The following USP34 variants were observed in gnomAD, a reference collection of about 807,000 sequenced individuals.
The protein encoded by USP34 is ubiquitin carboxyl-terminal hydrolase 34.
A neutral mutation model predicts 460.3 loss-of-function variants in USP34; 70 were observed. That is an observed-to-expected ratio of 0.15 (90% CI 0.13 to 0.19). The LOEUF is 0.19. Ranked by LOEUF, USP34 falls within the 10% of genes least tolerant of loss-of-function variation. The pLI is 1.00. For missense variants in USP34, 3,985 were observed against 4,236.2 expected (o/e 0.94, Z 1.65); for synonymous variants, 1,647 against 1,405.3 (o/e 1.17, Z -3.85).
In USP34 at chr2:61,281,104, G is replaced by C. The variant is rs775148053; in HGVS notation, c.5137C>G (p.Leu1713Val). 1.2e-6 allele frequency: 2 copies of C among 1,613,568 alleles called. No individual in the cohort carries two copies. The highest frequency in any genetic ancestry group is 3.3e-5 in the Admixed American group (2 of 59,964). Residue 1713 changes from leucine to valine, a missense_variant, in exon 38 of 80, where the codon CTC becomes GTC. Physicochemically the swap from Leu to Val is conservative, Grantham distance 32. Coordinates refer to ENST00000398571, the MANE Select transcript of USP34 (RefSeq NM_014709.4). Reference sequence around the variant, plus strand: ...TAAAATCTTACCCTAATAGGTTTGAGTGCTTGAGCATCAGGAAGAAATTTC... The same window carrying C: ...TAAAATCTTACCCTAATAGGTTTGACTGCTTGAGCATCAGGAAGAAATTTC... Reference protein sequence around the residue: ...LLKFLPDAQALKPIRIDDYEE... With the variant: ...LLKFLPDAQAVKPIRIDDYEE...
In USP34 at chr2:61,265,547, A is replaced by C; in HGVS notation, c.5628T>G (p.Pro1876=). The C allele has an allele frequency of 6.2e-7, 1 of 1,609,350 alleles. No homozygotes were observed. Among genetic ancestry groups the C allele is most frequent in the Non-Finnish European group, 8.5e-7 (1 of 1,176,426 alleles). The change falls in exon 43 of 80, where the codon CCT becomes CCG. Residue 1876 remains proline (P), a synonymous_variant. Transcript: ENST00000398571. ...VMAQHMQSHA[P]YKWDYWPHED... ...CATGAGGCCAGTAATCCCATTTATA[A>C]GGTGCATGGGCTGCTGAAGAAAGAG...
Position 61,451,220 on chromosome 2 carries a change from C to CAAAAAAAAAAA in USP34, c.43+19419_43+19429dup, listed in dbSNP as rs70963432. 3.8e-3 allele frequency among the ~76,000 whole-genome samples: 193 copies of CAAAAAAAAAAA among 50,742 alleles called. 2 individuals carry two copies. Among genetic ancestry groups the CAAAAAAAAAAA allele is most frequent in the African/African-American group, 9.0e-3 (89 of 9,922 alleles). The allele number at this position is 50,742 out of a possible 152,430, so 33.3% of individuals were successfully genotyped here. On this transcript the variant is annotated intron_variant, in intron 1 of 79. Coordinates refer to ENST00000398571, the MANE Select transcript of USP34 (RefSeq NM_014709.4). ...CAGGTGACAGTGTGAGGCTTCATCT[C>CAAAAAAAAAAA]AAAAAAAAAAAAAAAAAAAAAAAAA...
chr2:61,410,797 T>C (rs1694013980), intron 2 of USP34, among the ~76,000 whole-genome samples: 3 of 152,062 alleles, frequency 2.0e-5, no homozygotes, highest in Admixed American at 2.0e-4. Context: ...TAGTAAGTAA[T>C]TCAGAGTGAA....
intron 10 of USP34, among the ~76,000 whole-genome samples, chr2:61,365,952 T>TTATTTATTTATG (rs1284691359): frequency 1.1e-4 from 17 of 151,956 alleles, no homozygotes; most frequent in Non-Finnish European, 2.4e-4. Context: ...ACCTATTTAT[T>TTATTTATTTATG]TATTTATTTA....
intron 10 of USP34, among the ~76,000 whole-genome samples, chr2:61,365,292 C>CGT (rs1165133940): frequency 2.8e-5 from 4 of 142,198 alleles, no homozygotes; most frequent in South Asian, 2.3e-4. Context: ...CACACACACA[C>CGT]GTGTGTTTAT....
chr2:61,320,925 G>A (rs1380114351), intron 21 of USP34, among the ~76,000 whole-genome samples: 13 of 152,074 alleles, frequency 8.5e-5, no homozygotes, highest in Non-Finnish European at 1.0e-4. Context: ...CACGAGAATC[G>A]CTGGAACCCG....
At chr2:61,353,875 C>G (rs774075060) in intron 10 of USP34, among the ~76,000 whole-genome samples, 7 of 152,030 alleles carry the variant, frequency 4.6e-5, no homozygotes, top group Non-Finnish European at 1.0e-4. Context: ...AAAGGTACAA[C>G]AACTGAAATG....
chr2:61,421,977 G>A (rs534654654), intron 1 of USP34, among the ~76,000 whole-genome samples: 1 of 152,270 alleles, frequency 6.6e-6, no homozygotes, highest in East Asian at 1.9e-4. Flanking sequence ...TGGTCAAGGA[G>A]AAAAGGAAAC....
At chr2:61,435,307 C>CAAAAAA (rs59158283) in intron 1 of USP34, among the ~76,000 whole-genome samples, 2,067 of 40,808 alleles carry the variant, frequency 0.051, 329 homozygotes, top group African/African-American at 0.073. Flanking sequence ...GACCTTGTTT[C>CAAAAAA]AAAAAAAAAA....
chr2:61,439,746 G>A (rs770691933), intron 1 of USP34, among the ~76,000 whole-genome samples: 2 of 152,220 alleles, frequency 1.3e-5, no homozygotes, highest in Non-Finnish European at 2.9e-5. Flanking sequence ...TCTCACCGCA[G>A]GGAGGCAGGA....
intron 23 of USP34, among the ~76,000 whole-genome samples, chr2:61,316,677 G>T (rs1355817427): frequency 2.0e-5 from 3 of 151,980 alleles, no homozygotes. Flanking sequence ...CTGACGTCAG[G>T]AGCTCGAGAC....
At chr2:61,374,686 T>C (rs1269759686) in intron 8 of USP34, among the ~76,000 whole-genome samples, 2 of 151,956 alleles carry the variant, frequency 1.3e-5, no homozygotes, top group Non-Finnish European at 2.9e-5. Flanking sequence ...TTCGGCTCAC[T>C]GCAAACTCCA....
intron 1 of USP34, among the ~76,000 whole-genome samples, chr2:61,442,901 A>ACACG (rs1553392398): frequency 1.6e-5 from 1 of 63,740 alleles, no homozygotes; most frequent in Non-Finnish European, 3.1e-5. Flanking sequence ...ATGTGTGTAC[A>ACACG]CACACACACA....
At chr2:61,284,704 C>T (rs1385629309) in intron 35 of USP34, among the ~76,000 whole-genome samples, 171 bp downstream of exon 35, 1 of 152,056 alleles carries the variant, frequency 6.6e-6, no homozygotes, top group African/African-American at 2.4e-5. Context: ...AAATACAAGA[C>T]ACATTTTAGC....
In USP34 at chr2:61,348,363, C is replaced by T. The variant is rs370929108; in HGVS notation, c.1792G>A (p.Ala598Thr). 5.0e-6 allele frequency: 8 copies of T among 1,614,000 alleles called. No homozygotes were observed. The highest frequency in any genetic ancestry group is 1.1e-5 in the South Asian group (1 of 91,080). The part of the protein sequence containing the change: ...GSSNEVNSSH[A>T]SQSAGSPGSE... ...CCAGGGCTCCCAGCTGACTGGCTTG[C>T]GTGGCTAGAATTAACCTCATTGCTA... Residue 598 changes from alanine to threonine, a missense_variant, in exon 15 of 80, where the codon GCA becomes ACA. By Grantham distance (58) the Ala-to-Thr change is moderately conservative. Transcript: ENST00000398571.
intron 20 of USP34, among the ~76,000 whole-genome samples, chr2:61,328,238 G>A (rs1691155925): frequency 6.7e-6 from 1 of 150,164 alleles, no homozygotes; most frequent in Non-Finnish European, 1.5e-5. Context: ...GGAGGTGGAG[G>A]TTACAGTGAG....
At chr2:61,447,149 G>T (rs1695142379) in intron 1 of USP34, among the ~76,000 whole-genome samples, 1 of 150,756 alleles carries the variant, frequency 6.6e-6, no homozygotes, top group South Asian at 2.1e-4. Flanking sequence ...CAGCTACTCG[G>T]GAGGCTGAGG....
intron 8 of USP34, among the ~76,000 whole-genome samples, chr2:61,375,859 A>C (rs80257386): frequency 0.013 from 1,999 of 151,874 alleles, 44 homozygotes; most frequent in African/African-American, 0.045. Context: ...ATACAATGTG[A>C]TACTATTAAG....
Position 61,233,326 on chromosome 2 carries a change from G to A in USP34, c.7033-794C>T, listed in dbSNP as rs566948996. ...CACCAGGAAAATGCAATTAGTCAAAGAAAGCATGTGGGAAATCCTACAGCA... is the reference window on the plus strand; with the variant it reads ...CACCAGGAAAATGCAATTAGTCAAAAAAAGCATGTGGGAAATCCTACAGCA... On this transcript the variant is annotated intron_variant, in intron 57 of 79. Transcript: ENST00000398571. 2.6e-5 allele frequency among the ~76,000 whole-genome samples: 4 copies of A among 152,080 alleles called. No individual in the cohort carries two copies. In the East Asian group the frequency reaches 7.7e-4, roughly 29 times the overall value.
Sources: allele counts gnomAD v4.1 joint callset (sites outside exome capture counted in the v4.1 genomes callset), GRCh38; gene constraint gnomAD v4.1.1; transcripts MANE v1.5; gene names NCBI Gene and HGNC (gene_info 2026-07-23, HGNC 2026-07-21).